BRINP3: variants seen among roughly 807,000 people sequenced by gnomAD.
BRINP3 encodes the protein BMP/retinoic acid inducible neural specific 3.
Under a neutral mutation model 71.0 loss-of-function variants are expected in BRINP3, and 19 were observed. That is an observed-to-expected ratio of 0.27 (90% CI 0.19 to 0.39). The LOEUF is 0.39. Among genes scored for constraint, BRINP3 ranks in the 10% least tolerant of loss-of-function variants. The probability of loss-of-function intolerance (pLI) is 1.00; values close to 1 mark genes in which losing one functional copy is unlikely to be tolerated. For synonymous variants in BRINP3, 380 were observed against 337.7 expected, an observed-to-expected ratio of 1.13 and a Z score of -1.37; for missense variants, 959 against 940.8, an observed-to-expected ratio of 1.02 and a Z score of -0.25.
intron 2 of BRINP3, among the ~76,000 whole-genome samples, chr1:190,448,480 T>C (rs1447886802): frequency 6.6e-6 from 1 of 151,534 alleles, no homozygotes; most frequent in Non-Finnish European, 1.5e-5. Context: ...TGTGTGTGTG[T>C]GTGTGTGTGT....
chr1:190,102,794 AT>A (rs1202115028), intron 7 of BRINP3, among the ~76,000 whole-genome samples: 1 of 152,080 alleles, frequency 6.6e-6, no homozygotes, highest in African/African-American at 2.4e-5. Context: ...ATCTTTATCT[AT>A]AAGGAAGAGT....
In BRINP3 at chr1:190,229,201, C is replaced by A. The variant is rs75439009; in HGVS notation, c.725-2883G>T. 6.0e-3 allele frequency among the ~76,000 whole-genome samples: 910 copies of A among 152,090 alleles called. 21 individuals carry two copies. The highest frequency in any genetic ancestry group is 0.021 in the African/African-American group (868 of 41,472). On this transcript the variant is annotated intron_variant, in intron 5 of 7. Coordinates refer to ENST00000367462, the MANE Select transcript of BRINP3 (RefSeq NM_199051.3). ...GTCCCCCACAAAATCTCACTTTGAA[C>A]TGTAATAATCCCCACATGTCGTGGG... is the stretch of plus-strand genomic sequence containing the variant.
chr1:190,344,897 A>G (rs1667909319), intron 2 of BRINP3, among the ~76,000 whole-genome samples: 1 of 151,872 alleles, frequency 6.6e-6, no homozygotes, highest in Admixed American at 6.6e-5. Flanking sequence ...GATTATTACT[A>G]CAGAATGATG....
At chr1:190,403,170 C>T (rs949657856) in intron 2 of BRINP3, among the ~76,000 whole-genome samples, 5 of 152,078 alleles carry the variant, frequency 3.3e-5, no homozygotes, top group African/African-American at 7.2e-5. Context: ...TCTGAACCAA[C>T]GAATACACCA....
intron 3 of BRINP3, among the ~76,000 whole-genome samples, chr1:190,278,452 T>C (rs1445199641): frequency 1.3e-5 from 2 of 151,676 alleles, no homozygotes; most frequent in Admixed American, 6.6e-5. Context: ...TCACAGCCAC[T>C]AAAAAGATTT....
chr1:190,168,362 A>G (rs1651737509), intron 6 of BRINP3, among the ~76,000 whole-genome samples: 1 of 152,124 alleles, frequency 6.6e-6, no homozygotes, highest in East Asian at 1.9e-4. Flanking sequence ...ACAGGTTAGT[A>G]AGTATGGCAA....
At chr1:190,465,509 G>C (rs79192931) in intron 1 of BRINP3, among the ~76,000 whole-genome samples, 1 of 151,734 alleles carries the variant, frequency 6.6e-6, no homozygotes, top group Admixed American at 6.6e-5. Context: ...CTAGATATCC[G>C]TTTGGGTTCC....
At chr1:190,121,174 G>A (rs928130771) in intron 7 of BRINP3, among the ~76,000 whole-genome samples, 6 of 152,058 alleles carry the variant, frequency 3.9e-5, no homozygotes, top group African/African-American at 7.2e-5. Flanking sequence ...ACACAAAACC[G>A]GCCGGAGCTA....
intron 5 of BRINP3, among the ~76,000 whole-genome samples, chr1:190,229,122 G>A (rs1482889259): frequency 6.6e-6 from 1 of 152,046 alleles, no homozygotes; most frequent in Non-Finnish European, 1.5e-5. Context: ...CTGGAAATAA[G>A]GTAATCCTAC....
intron 2 of BRINP3, among the ~76,000 whole-genome samples, chr1:190,363,272 C>G (rs1406710381): frequency 1.3e-5 from 2 of 152,082 alleles, no homozygotes; most frequent in Non-Finnish European, 2.9e-5. Context: ...AAAGAGGACC[C>G]TGAGATTCAG....
intron 5 of BRINP3, among the ~76,000 whole-genome samples, chr1:190,231,656 T>C (rs1558089420): frequency 1.3e-5 from 2 of 151,904 alleles, no homozygotes; most frequent in Non-Finnish European, 2.9e-5. Flanking sequence ...TTCTTATAAC[T>C]ACTTTTTATT....
Position 190,454,857 on chromosome 1 carries a change from A to T in BRINP3, c.34T>A (p.Phe12Ile). ...IWRSRAGAEL[F>I]SLMALWEWIA... is the part of the protein sequence containing the mutation. ...CACTCCCATAGAGCCATCAGAGAGA[A>T]CAATTCAGCACCAGCTCTGCTTCGC... Residue 12 changes from phenylalanine (F) to isoleucine (I), a missense_variant, in exon 2 of 8, where the codon TTC becomes ATC. By Grantham distance (21) the Phe-to-Ile change is conservative (BLOSUM62 0). Transcript: ENST00000367462. 1 of 1,614,156 alleles carries T rather than the reference A, an allele frequency of 6.2e-7. No homozygotes were observed. Among genetic ancestry groups the T allele is most frequent in the East Asian group, 2.2e-5 (1 of 44,878 alleles).
At chr1:190,434,159 C>T (rs1243106191) in intron 2 of BRINP3, among the ~76,000 whole-genome samples, 12 of 151,978 alleles carry the variant, frequency 7.9e-5, no homozygotes, top group Non-Finnish European at 1.5e-4. Flanking sequence ...TGTTCCCTCA[C>T]CCAGGCTGAA....
chr1:190,215,761 A>G (rs1656358299), intron 6 of BRINP3, among the ~76,000 whole-genome samples: 1 of 151,906 alleles, frequency 6.6e-6, no homozygotes, highest in Non-Finnish European at 1.5e-5. Context: ...TCATTCTTAG[A>G]TCATCAAATA....
At chr1:190,210,576 T>G (rs1295230085) in intron 6 of BRINP3, among the ~76,000 whole-genome samples, 1 of 152,110 alleles carries the variant, frequency 6.6e-6, no homozygotes, top group Admixed American at 6.6e-5. Context: ...TCTATCATCT[T>G]ATTATGAAGA....
chr1:190,357,356 C>G (rs1011321899), intron 2 of BRINP3, among the ~76,000 whole-genome samples: 1 of 151,962 alleles, frequency 6.6e-6, no homozygotes, highest in Non-Finnish European at 1.5e-5. Context: ...TCCAGAGGAA[C>G]TTCGATTATA....
intron 2 of BRINP3, among the ~76,000 whole-genome samples, chr1:190,311,201 A>C (rs969892377): frequency 3.3e-5 from 5 of 151,736 alleles, no homozygotes; most frequent in African/African-American, 9.6e-5. Context: ...AAAAAGTAGA[A>C]CATTTATTTT....
At chr1:190,351,131 G>A (rs1668358612) in intron 2 of BRINP3, among the ~76,000 whole-genome samples, 1 of 151,970 alleles carries the variant, frequency 6.6e-6, no homozygotes, top group African/African-American at 2.4e-5. Flanking sequence ...TGGTATTTTA[G>A]TTTTTCCTAC....
At chr1:190,383,842 G>T (rs1405148784) in intron 2 of BRINP3, among the ~76,000 whole-genome samples, 1 of 151,868 alleles carries the variant, frequency 6.6e-6, no homozygotes, top group African/African-American at 2.4e-5. Flanking sequence ...TTCACAGACA[G>T]GCTTATAAAA....
Sources: gnomAD v4.1 joint callset for allele counts (sites outside exome capture counted in the v4.1 genomes callset) on GRCh38, gnomAD v4.1.1 for gene constraint, MANE v1.5 for transcripts, NCBI Gene and HGNC (gene_info 2026-07-23, HGNC 2026-07-21) for gene names.